KLHL1: variants seen among roughly 807,000 people sequenced by gnomAD.
KLHL1 encodes kelch-like protein 1.
Under a neutral mutation model 77.7 loss-of-function variants are expected in KLHL1, and 47 were observed. The observed-to-expected ratio is 0.60, with a 90% confidence interval of 0.48 to 0.77. The LOEUF (loss-of-function observed/expected upper bound fraction) is 0.77. Ranked by LOEUF, KLHL1 falls within the 30% of genes least tolerant of loss-of-function variation. The probability of loss-of-function intolerance (pLI) is 0.00; values close to 1 mark genes in which losing one functional copy is unlikely to be tolerated. For synonymous variants in KLHL1, 360 were observed against 325.2 expected (o/e 1.11, Z -1.15); for missense variants, 925 against 910.8 (o/e 1.02, Z -0.20).
At chr13:69,928,065 T>C (rs902349862) in intron 4 of KLHL1, among the ~76,000 whole-genome samples, 1 of 152,218 alleles carries the variant, frequency 6.6e-6, no homozygotes, top group Admixed American at 6.5e-5. Context: ...TAGCACTACA[T>C]ACTAACCATT....
intron 4 of KLHL1, among the ~76,000 whole-genome samples, chr13:69,884,170 A>G (rs1881108176): frequency 6.6e-6 from 1 of 152,148 alleles, no homozygotes; most frequent in South Asian, 2.1e-4. Flanking sequence ...AGCTTTCACA[A>G]AAGGGCACTA....
At chr13:69,840,698 A>ATATATGTATGTATGTATGTATG (rs976775077) in intron 5 of KLHL1, among the ~76,000 whole-genome samples, 2 of 146,276 alleles carry the variant, frequency 1.4e-5, no homozygotes, top group African/African-American at 5.1e-5. Context: ...ATATATATAT[A>ATATATGTATGTATGTATGTATG]TATGTATGTA....
chr13:70,086,832 T>C (rs2137436954), intron 1 of KLHL1, among the ~76,000 whole-genome samples: 1 of 152,148 alleles, frequency 6.6e-6, no homozygotes, highest in South Asian at 2.1e-4. Context: ...ATAAATATCA[T>C]TTTGACTTCA....
chr13:69,867,188 G>C (rs925001692), intron 5 of KLHL1, among the ~76,000 whole-genome samples: 2 of 152,022 alleles, frequency 1.3e-5, no homozygotes, highest in African/African-American at 4.8e-5. Flanking sequence ...CTATCACATA[G>C]TTTTCTTATA....
intron 6 of KLHL1, among the ~76,000 whole-genome samples, chr13:69,834,179 C>T (rs1194688633): frequency 6.6e-6 from 1 of 151,834 alleles, no homozygotes; most frequent in Non-Finnish European, 1.5e-5. Flanking sequence ...TCTCAGAAAT[C>T]ACCACTAAAG....
At chr13:69,805,810 TATA>T (rs1225394977) in intron 6 of KLHL1, among the ~76,000 whole-genome samples, 5 of 151,298 alleles carry the variant, frequency 3.3e-5, no homozygotes, top group African/African-American at 1.2e-4. Flanking sequence ...CATAATTTAT[TATA>T]TAACATTTAA....
chr13:70,075,579 A>ATATATATATATATATATATATC (rs1887244291), intron 1 of KLHL1, among the ~76,000 whole-genome samples: 1 of 110,020 alleles, frequency 9.1e-6, no homozygotes, highest in African/African-American at 3.3e-5. Context: ...GTATATATAT[A>ATATATATATATATATATATATC]TATATATATA....
In KLHL1 at chr13:70,001,649, T is replaced by A. The variant is rs2501240; in HGVS notation, c.498-25847A>T. On this transcript the variant is annotated intron_variant, in intron 1 of 10. Transcript: ENST00000377844. ...ATCTTTCTACTGAAACATTGGGATA[T>A]CTATCTATTATCTATCTATCTATCT... Among the ~76,000 whole-genome samples the A allele has an allele frequency of 5.2e-3, 694 of 133,062 alleles. 6 individuals carry two copies. The highest frequency in any genetic ancestry group is 0.018 in the African/African-American group (647 of 36,366). The allele number at this position is 133,062 out of a possible 152,430, so 87.3% of individuals were successfully genotyped here.
chr13:69,845,673 C>T lies in KLHL1; in HGVS notation c.1228-6511G>A, dbSNP rs924705007. ...AAAATGAGATACTGTATTTCTATAA[C>T]TTATACTAGCACTTGCTCTTTGGAA... On this transcript the variant is annotated intron_variant, in intron 5 of 10. Coordinates refer to ENST00000377844, the MANE Select transcript of KLHL1 (RefSeq NM_020866.3). Among the ~76,000 whole-genome samples the T allele has an allele frequency of 2.6e-5, 4 of 151,374 alleles. No homozygotes were observed. In the Admixed American group the frequency reaches 2.6e-4, roughly 10 times the overall value.
intron 1 of KLHL1, among the ~76,000 whole-genome samples, chr13:70,101,491 C>A (rs948491955): frequency 6.6e-6 from 1 of 152,060 alleles, no homozygotes; most frequent in Non-Finnish European, 1.5e-5. Context: ...TGCAGTGGCG[C>A]GATCTCGGCT....
At chr13:70,046,755 C>T (rs1274521856) in intron 1 of KLHL1, among the ~76,000 whole-genome samples, 1 of 152,064 alleles carries the variant, frequency 6.6e-6, no homozygotes, top group African/African-American at 2.4e-5. Context: ...CTCAAGTGAT[C>T]CGCCCGCCTC....
intron 8 of KLHL1, among the ~76,000 whole-genome samples, chr13:69,736,028 T>C (rs1053924156): frequency 6.6e-6 from 1 of 152,078 alleles, no homozygotes; most frequent in African/African-American, 2.4e-5. Context: ...AAAACAAAGA[T>C]AAATAAATGG....
At chr13:69,969,276 T>C (rs1884311629) in intron 2 of KLHL1, among the ~76,000 whole-genome samples, 1 of 152,074 alleles carries the variant, frequency 6.6e-6, no homozygotes, top group Non-Finnish European at 1.5e-5. Flanking sequence ...TGGTAACATG[T>C]TAGACATATT....
intron 4 of KLHL1, among the ~76,000 whole-genome samples, chr13:69,902,602 T>C (rs1203754949): frequency 6.6e-6 from 1 of 152,124 alleles, no homozygotes. Context: ...TCATGTCCTT[T>C]GTAGGGACAT....
chr13:69,995,101 G>A (rs1049182658), intron 1 of KLHL1, among the ~76,000 whole-genome samples: 5 of 152,054 alleles, frequency 3.3e-5, no homozygotes, highest in Admixed American at 6.6e-5. Flanking sequence ...TTGTAATATA[G>A]CAGCATTCAT....
chr13:69,915,254 T>C (rs561020036), intron 4 of KLHL1, among the ~76,000 whole-genome samples: 2 of 152,166 alleles, frequency 1.3e-5, no homozygotes, highest in Non-Finnish European at 2.9e-5. Context: ...TTCAAGTTCA[T>C]ATGGAACCAA....
At chr13:69,903,895 C>T (rs1440531153) in intron 4 of KLHL1, among the ~76,000 whole-genome samples, 1 of 151,734 alleles carries the variant, frequency 6.6e-6, no homozygotes, top group East Asian at 1.9e-4. Context: ...TTGCCTCGGC[C>T]TCCCCAAGTG....
chr13:69,974,203 G>A lies in KLHL1; in HGVS notation c.680+1417C>T, dbSNP rs1019418624. ...AATGATTTTTAAAAACTAATTTTTC[G>A]TATCCTACTTAAGAAACACATCAAT... On this transcript the variant is annotated intron_variant, in intron 2 of 10. Transcript: ENST00000377844. Among the ~76,000 whole-genome samples the A allele has an allele frequency of 1.1e-4, 17 of 151,214 alleles. No homozygotes were observed. The South Asian group carries it at 1.2e-3, about 11-fold the overall frequency.
chr13:69,777,684 C>T (rs970321877), intron 7 of KLHL1, among the ~76,000 whole-genome samples: 4 of 152,072 alleles, frequency 2.6e-5, no homozygotes, highest in African/African-American at 9.7e-5. Flanking sequence ...CACAGTTCAG[C>T]TTATGCATCA....
Sources: allele counts gnomAD v4.1 joint callset (sites outside exome capture counted in the v4.1 genomes callset), GRCh38; gene constraint gnomAD v4.1.1; transcripts MANE v1.5; gene names NCBI Gene and HGNC (gene_info 2026-07-23, HGNC 2026-07-21).